UGGT2: variants seen among roughly 807,000 people sequenced by gnomAD.
UGGT2 encodes UDP-glucose glycoprotein glucosyltransferase 2.
In UGGT2, 180 loss-of-function variants were observed where a neutral mutation model predicts 192.1. That is an observed-to-expected ratio of 0.94 (90% CI 0.83 to 1.06). UGGT2 has a LOEUF of 1.06. UGGT2 is among the 50% of genes least tolerant of loss of function. The probability of loss-of-function intolerance (pLI) is 0.00; values close to 1 mark genes in which losing one functional copy is unlikely to be tolerated. For missense variants in UGGT2, 1,849 were observed against 1,795.7 expected (o/e 1.03, Z -0.54); for synonymous variants, 580 against 591.0 (o/e 0.98, Z 0.27).
intron 1 of UGGT2, among the ~76,000 whole-genome samples, chr13:96,040,979 A>C (rs1445276831): frequency 6.6e-6 from 1 of 152,214 alleles, no homozygotes; most frequent in Admixed American, 6.5e-5. Context: ...ATTAAGCTAG[A>C]ATCAGGTATT....
chr13:96,009,429 T>C (rs1471709033), intron 5 of UGGT2, among the ~76,000 whole-genome samples: 3 of 152,192 alleles, frequency 2.0e-5, no homozygotes, highest in African/African-American at 7.2e-5. Context: ...GAGAAAATAT[T>C]TGCAAACTAT....
In UGGT2 at chr13:95,964,182, A is replaced by C. The variant is rs150751209; in HGVS notation, c.1335+5930T>G. ...AAATTCATGTATTTATAGCCAATTGATTTTTGATAAAGGTGCCAAGAACAT... is the reference window on the plus strand; with the variant it reads ...AAATTCATGTATTTATAGCCAATTGCTTTTTGATAAAGGTGCCAAGAACAT... On this transcript the variant is annotated intron_variant, in intron 12 of 38. Coordinates refer to ENST00000376747, the MANE Select transcript of UGGT2 (RefSeq NM_020121.4). Among the ~76,000 whole-genome samples the C allele has an allele frequency of 4.6e-5, 7 of 152,312 alleles. No homozygotes were observed. In the East Asian group the frequency reaches 1.3e-3, roughly 29 times the overall value.
At chr13:95,858,739 A>G (rs1889868342) in intron 33 of UGGT2, among the ~76,000 whole-genome samples, 1 of 152,154 alleles carries the variant, frequency 6.6e-6, no homozygotes, top group African/African-American at 2.4e-5. Context: ...AAGTTATTGA[A>G]TCTAAAAGTG....
intron 20 of UGGT2, among the ~76,000 whole-genome samples, chr13:95,908,891 G>C (rs1241059702): frequency 7.9e-6 from 1 of 127,178 alleles, no homozygotes; most frequent in Non-Finnish European, 1.7e-5. Context: ...CTCCCATTTT[G>C]TAGGTTGCCT....
intron 37 of UGGT2, 22 bp from the exon 38 acceptor site, chr13:95,833,075 G>T: frequency 6.2e-7 from 1 of 1,607,230 alleles, no homozygotes. Context: ...AGTAAATTTT[G>T]TTAATGAAAG....
intron 38 of UGGT2, among the ~76,000 whole-genome samples, chr13:95,805,366 T>C (rs1052966235): frequency 5.9e-5 from 9 of 152,058 alleles, no homozygotes; most frequent in African/African-American, 1.9e-4. Context: ...ATAATGCAAC[T>C]GCTATGAAAA....
rs544098225 is a variant in UGGT2, at chr13:95,886,789, T to A, written c.3038+1103A>T. 1.4e-4 allele frequency among the ~76,000 whole-genome samples: 21 copies of A among 152,230 alleles called. No homozygotes were observed. The East Asian group carries it at 3.3e-3, about 24-fold the overall frequency. On this transcript the variant is annotated intron_variant, in intron 26 of 38. Transcript: ENST00000376747. ...TGGGCACAGTGGCTCATGCCTATAA[T>A]CCCAGCACTTTGAGAGAGCAAGGCA...
At chr13:95,859,873 G>T in intron 32 of UGGT2, 198 bp from the exon 33 acceptor site, 1 of 416,958 alleles carries the variant, frequency 2.4e-6, no homozygotes. Context: ...GTATGAATTA[G>T]AAGGTTTTCA....
At chr13:96,051,377 T>A (rs1466443226) in intron 1 of UGGT2, among the ~76,000 whole-genome samples, 2 of 152,078 alleles carry the variant, frequency 1.3e-5, no homozygotes, top group Non-Finnish European at 2.9e-5. Flanking sequence ...ACACCTAATG[T>A]AAATGATGAG....
At chr13:95,880,554 A>G (rs2047464073) in intron 27 of UGGT2, among the ~76,000 whole-genome samples, 1 of 152,230 alleles carries the variant, frequency 6.6e-6, no homozygotes, top group Non-Finnish European at 1.5e-5. Context: ...CACATAAGGT[A>G]GTGTAGTCTT....
intron 38 of UGGT2, among the ~76,000 whole-genome samples, chr13:95,805,749 T>C (rs1483537766): frequency 6.6e-6 from 1 of 151,998 alleles, no homozygotes; most frequent in African/African-American, 2.4e-5. Flanking sequence ...CAGAGTAGAA[T>C]GATGTTTGCC....
intron 1 of UGGT2, among the ~76,000 whole-genome samples, chr13:96,034,267 A>G (rs1594616100): frequency 6.6e-6 from 1 of 152,110 alleles, no homozygotes; most frequent in South Asian, 2.1e-4. Context: ...CAACAGAATG[A>G]CCTGCCTGTG....
intron 5 of UGGT2, among the ~76,000 whole-genome samples, chr13:96,012,357 A>C (rs2052188806): frequency 6.6e-6 from 1 of 152,072 alleles, no homozygotes; most frequent in South Asian, 2.1e-4. Context: ...TTATAACAGC[A>C]TAAAGGAAAT....
At chr13:96,008,193 A>C (rs193280567) in intron 5 of UGGT2, among the ~76,000 whole-genome samples, 1 of 152,200 alleles carries the variant, frequency 6.6e-6, no homozygotes, top group Non-Finnish European at 1.5e-5. Flanking sequence ...AGTGGAGTTA[A>C]CATCAAGCTA....
intron 20 of UGGT2, among the ~76,000 whole-genome samples, chr13:95,916,679 C>T (rs554801029): frequency 8.6e-5 from 13 of 152,038 alleles, no homozygotes; most frequent in Non-Finnish European, 1.5e-4. Context: ...GAGCTGTAAA[C>T]GAGAACAATC....
intron 37 of UGGT2, among the ~76,000 whole-genome samples, chr13:95,834,882 T>G (rs1240443753): frequency 1.3e-5 from 2 of 152,106 alleles, no homozygotes; most frequent in East Asian, 1.9e-4. Flanking sequence ...ATTGGTACTA[T>G]CCAATACAAA....
chr13:95,987,726 A>G (rs2051332931), intron 8 of UGGT2, among the ~76,000 whole-genome samples: 1 of 152,158 alleles, frequency 6.6e-6, no homozygotes. Flanking sequence ...GATGCAAATG[A>G]CTTGGCTAGC....
At chr13:96,015,502 G>C (rs1483156779) in intron 4 of UGGT2, among the ~76,000 whole-genome samples, 1 of 151,998 alleles carries the variant, frequency 6.6e-6, no homozygotes, top group Non-Finnish European at 1.5e-5. Flanking sequence ...ATTATTTCAG[G>C]AACTGCTTGG....
intron 38 of UGGT2, among the ~76,000 whole-genome samples, chr13:95,825,628 C>A (rs746348894): frequency 6.6e-6 from 1 of 152,162 alleles, no homozygotes; most frequent in Non-Finnish European, 1.5e-5. Flanking sequence ...TAGGTTCAGC[C>A]ACACTGAGCT....
Sources: allele counts gnomAD v4.1 joint callset (sites outside exome capture counted in the v4.1 genomes callset), GRCh38; gene constraint gnomAD v4.1.1; transcripts MANE v1.5; gene names NCBI Gene and HGNC (gene_info 2026-07-23, HGNC 2026-07-21).